Variants in PDE1A observed in about 807,000 individuals in gnomAD.
PDE1A encodes phosphodiesterase 1A, also known as dual specificity calcium/calmodulin-dependent 3',5'-cyclic nucleotide phosphodiesterase 1A.
PDE1A carries 35 observed loss-of-function variants against 61.7 expected under a neutral mutation model. That is an observed-to-expected ratio of 0.57 (90% CI 0.43 to 0.75). PDE1A has a LOEUF of 0.75. PDE1A is among the 30% of genes least tolerant of loss of function. The pLI, the probability that PDE1A is intolerant of heterozygous loss-of-function variation, is 0.00. For synonymous variants in PDE1A, 232 were observed against 213.2 expected (o/e 1.09, Z -0.77); for missense variants, 597 against 630.6 (o/e 0.95, Z 0.57).
At chr2:182,402,081 G>A (rs1190782218) in intron 1 of PDE1A, among the ~76,000 whole-genome samples, 2 of 152,118 alleles carry the variant, frequency 1.3e-5, no homozygotes, top group East Asian at 3.9e-4. Flanking sequence ...TCAATATTGT[G>A]AAAATAGCCA....
At chr2:182,601,865 G>A in the PDE1A span, among the ~76,000 whole-genome samples, 1 of 152,178 alleles carries the variant, frequency 6.6e-6, no homozygotes, top group Non-Finnish European at 1.5e-5. Context: ...GACTTTTATG[G>A]GCCCCAGAGG....
chr2:182,229,280 C>T (rs1033466977), intron 6 of PDE1A, among the ~76,000 whole-genome samples: 2 of 152,046 alleles, frequency 1.3e-5, no homozygotes, highest in African/African-American at 4.8e-5. Context: ...CTGCACTTCA[C>T]GATTAAAGCA....
chr2:182,220,576 T>C (rs1022209960), intron 7 of PDE1A, among the ~76,000 whole-genome samples: 1 of 152,106 alleles, frequency 6.6e-6, no homozygotes, highest in African/African-American at 2.4e-5. Context: ...AAGAACAGAC[T>C]CTGAGCAACA....
chr2:182,275,704 T>C (rs1209079072), intron 1 of PDE1A, among the ~76,000 whole-genome samples: 1 of 152,104 alleles, frequency 6.6e-6, no homozygotes, highest in Non-Finnish European at 1.5e-5. Context: ...ATAATTTTTA[T>C]TTGGCAGAAT....
the PDE1A span, among the ~76,000 whole-genome samples, chr2:182,683,378 A>T: frequency 6.6e-6 from 1 of 152,118 alleles, no homozygotes; most frequent in South Asian, 2.1e-4. Context: ...TGCCCGGCCA[A>T]CAACTTGTGT....
chr2:182,223,514 T>C lies in PDE1A; in HGVS notation c.776+350A>G, dbSNP rs572707134. 3.3e-5 allele frequency among the ~76,000 whole-genome samples: 5 copies of C among 152,156 alleles called. No individual in the cohort carries two copies. The East Asian group carries it at 7.7e-4, about 23-fold the overall frequency. On this transcript the variant is annotated intron_variant, in intron 7 of 13. Transcript: ENST00000351439. ...TACACTCGTATTACTTTCAAATACATAATGACACCAAACCAGTACCTTAAG... is the reference window on the plus strand; with the variant it reads ...TACACTCGTATTACTTTCAAATACACAATGACACCAAACCAGTACCTTAAG...
At chr2:182,602,981 TCACA>T in the PDE1A span, among the ~76,000 whole-genome samples, 16,527 of 148,654 alleles carry the variant, frequency 0.11, 1,007 homozygotes, top group Middle Eastern at 0.19. Flanking sequence ...CTAAAATACA[TCACA>T]CACACACACA....
At chr2:182,166,619 G>T (rs1180550633), downstream of PDE1A, among the ~76,000 whole-genome samples, 7 of 152,090 alleles carry the variant, frequency 4.6e-5, no homozygotes, top group Non-Finnish European at 7.4e-5. Context: ...GCTTGCAGAT[G>T]GCCCATCATG....
chr2:182,218,427 T>TA (rs60847293), intron 7 of PDE1A, among the ~76,000 whole-genome samples: 7 of 151,698 alleles, frequency 4.6e-5, no homozygotes, highest in African/African-American at 1.2e-4. Flanking sequence ...AATAAAAAAT[T>TA]AAAAAAACAA....
At chr2:182,585,400 T>C in the PDE1A span, among the ~76,000 whole-genome samples, 1 of 152,212 alleles carries the variant, frequency 6.6e-6, no homozygotes, top group Non-Finnish European at 1.5e-5. Flanking sequence ...AATTCACATA[T>C]AAAAATTTGT....
chr2:182,348,030 C>T (rs1006636420), intron 1 of PDE1A, among the ~76,000 whole-genome samples: 3 of 152,050 alleles, frequency 2.0e-5, no homozygotes, highest in Admixed American at 2.0e-4. Context: ...AATTACCCTC[C>T]TAGAGATTTG....
chr2:182,573,910 T>C, the PDE1A span, among the ~76,000 whole-genome samples: 4 of 145,132 alleles, frequency 2.8e-5, no homozygotes, highest in African/African-American at 5.1e-5. Context: ...TATTTATATA[T>C]TATATATATT....
intron 1 of PDE1A, among the ~76,000 whole-genome samples, chr2:182,270,094 A>G (rs1559277999): frequency 6.6e-6 from 1 of 152,178 alleles, no homozygotes; most frequent in Non-Finnish European, 1.5e-5. Context: ...GCCTGAAAAT[A>G]TGTGCTGAGC....
intron 2 of PDE1A, among the ~76,000 whole-genome samples, chr2:182,486,766 T>C (rs1457536195): frequency 1.3e-5 from 2 of 152,046 alleles, no homozygotes; most frequent in South Asian, 2.1e-4. Context: ...CCTCAAACCA[T>C]ACACAAAGAT....
intron 2 of PDE1A, among the ~76,000 whole-genome samples, chr2:182,257,005 C>T (rs1446585751): frequency 6.6e-6 from 1 of 152,220 alleles, no homozygotes; most frequent in East Asian, 1.9e-4. Context: ...TACTTCAGGG[C>T]ATTAGGAATC....
chr2:182,161,347 T>TG (rs1049360681), intron 13 of PDE1A, among the ~76,000 whole-genome samples: 4 of 151,750 alleles, frequency 2.6e-5, no homozygotes, highest in African/African-American at 9.7e-5. Flanking sequence ...GGACGTTGGT[T>TG]GGGGAAAAAA....
chr2:182,243,294 G>GAC (rs1480553232), intron 2 of PDE1A, among the ~76,000 whole-genome samples: 5 of 152,206 alleles, frequency 3.3e-5, no homozygotes, highest in African/African-American at 9.6e-5. Context: ...TAAGAATTAT[G>GAC]ATATAAGGTT....
At chr2:182,645,751 A>T in the PDE1A span, among the ~76,000 whole-genome samples, 1 of 152,206 alleles carries the variant, frequency 6.6e-6, no homozygotes, top group Non-Finnish European at 1.5e-5. Context: ...AAATATACTA[A>T]ATCCAGGTAC....
chr2:182,556,804 C>T, the PDE1A span, among the ~76,000 whole-genome samples: 2 of 152,058 alleles, frequency 1.3e-5, no homozygotes, highest in African/African-American at 4.8e-5. Context: ...TCTATTTCTC[C>T]GTTTATTTTA....
Sources: allele counts gnomAD v4.1 joint callset (sites outside exome capture counted in the v4.1 genomes callset), GRCh38; gene constraint gnomAD v4.1.1; transcripts MANE v1.5; gene names NCBI Gene and HGNC (gene_info 2026-07-23, HGNC 2026-07-21).